GNAI1: variants seen among roughly 807,000 people sequenced by gnomAD.
The protein encoded by GNAI1 is guanine nucleotide-binding protein G(i) subunit alpha-1.
In GNAI1, 11 loss-of-function variants were observed where a neutral mutation model predicts 38.9. The observed-to-expected ratio is 0.28, with a 90% CI of 0.18 to 0.47. The LOEUF (loss-of-function observed/expected upper bound fraction) is 0.47, where lower values mean the gene tolerates loss of function less well. Ranked by LOEUF, GNAI1 falls within the 20% of genes least tolerant of loss-of-function variation. The pLI, the probability that GNAI1 is intolerant of heterozygous loss-of-function variation, is 0.99. For missense variants in GNAI1, 317 were observed against 436.9 expected (o/e 0.73, Z 2.45); for synonymous variants, 166 against 145.1 (o/e 1.14, Z -1.04).
intron 4 of GNAI1, among the ~76,000 whole-genome samples, chr7:80,200,601 GAATA>G (rs1788669502): frequency 6.6e-6 from 1 of 152,060 alleles, no homozygotes; most frequent in Non-Finnish European, 1.5e-5. Flanking sequence ...TTGCCACAAT[GAATA>G]AATAAATGAG....
chr7:80,198,626 G>A (rs1788624109), intron 3 of GNAI1, among the ~76,000 whole-genome samples: 2 of 152,146 alleles, frequency 1.3e-5, no homozygotes, highest in African/African-American at 4.8e-5. Context: ...CAAAACACCT[G>A]CTCCCAACTT....
rs545320089 is a variant in GNAI1, at chr7:80,224,214, T to C, written c.*6721T>C. The stretch of plus-strand genomic sequence containing the variant: ...AATTTATTGAGTGCCTACTGTGTGC[T>C]AGGTACTTTTCTGGGTACCTTACTA... On this transcript the variant is annotated 3_prime_UTR_variant, in exon 8 of 8. Transcript: ENST00000649796. Among the ~76,000 whole-genome samples, 1 of 152,362 alleles carries C rather than the reference T, an allele frequency of 6.6e-6. No homozygotes were observed. The highest frequency in any genetic ancestry group is 2.1e-4 in the South Asian group (1 of 4,830).
intron 1 of GNAI1, among the ~76,000 whole-genome samples, chr7:80,154,428 A>T (rs1223456979): frequency 2.0e-5 from 3 of 152,204 alleles, no homozygotes; most frequent in Non-Finnish European, 4.4e-5. Flanking sequence ...GGATTTTAGA[A>T]ATAAAGCTGT....
intron 1 of GNAI1, among the ~76,000 whole-genome samples, chr7:80,136,257 T>G (rs1333988547): frequency 6.6e-6 from 1 of 152,190 alleles, no homozygotes; most frequent in Non-Finnish European, 1.5e-5. Context: ...GTTTGCATGT[T>G]TTCTTCTCAC....
rs1221327390 is a variant in GNAI1, at chr7:80,224,432, C to T, written c.*6939C>T. Among the ~76,000 whole-genome samples the T allele has an allele frequency of 2.0e-5, 3 of 152,272 alleles. No homozygotes were observed. The East Asian group carries it at 5.8e-4, about 29-fold the overall frequency. On this transcript the variant is annotated 3_prime_UTR_variant, in exon 8 of 8. Coordinates refer to ENST00000649796, the MANE Select transcript of GNAI1 (RefSeq NM_002069.6). ...TTCAAAATCCAGTGTCATTTCTTAG[C>T]CATATCTTCAAAATCCAGTGTCATT...
At chr7:80,196,011 G>C (rs1410972968) in intron 3 of GNAI1, among the ~76,000 whole-genome samples, 7 of 151,902 alleles carry the variant, frequency 4.6e-5, no homozygotes, top group Non-Finnish European at 4.4e-5. Context: ...ATCCTAGGCA[G>C]ACTCTTCTGA....
intron 4 of GNAI1, among the ~76,000 whole-genome samples, chr7:80,200,006 C>T (rs534851904): frequency 4.6e-4 from 70 of 152,018 alleles, no homozygotes; most frequent in African/African-American, 1.6e-3. Context: ...GTTTGCAAAG[C>T]AAGTTGTGAT....
intron 1 of GNAI1, among the ~76,000 whole-genome samples, chr7:80,179,301 G>A (rs975141173): frequency 6.6e-6 from 1 of 152,142 alleles, no homozygotes; most frequent in African/African-American, 2.4e-5. Flanking sequence ...TTAAAACACA[G>A]ATTACTGGAC....
intron 3 of GNAI1, among the ~76,000 whole-genome samples, chr7:80,195,916 T>G (rs544515404): frequency 6.6e-6 from 1 of 152,132 alleles, no homozygotes; most frequent in Admixed American, 6.5e-5. Context: ...TTTTCTGCTC[T>G]GTGCCTAAAC....
chr7:80,136,746 G>A (rs955699145), intron 1 of GNAI1, among the ~76,000 whole-genome samples: 1 of 152,214 alleles, frequency 6.6e-6, no homozygotes, highest in Non-Finnish European at 1.5e-5. Context: ...CTCTCCTGGT[G>A]TGATACGTTG....
intron 1 of GNAI1, among the ~76,000 whole-genome samples, chr7:80,154,028 T>C (rs531405152): frequency 6.6e-6 from 1 of 152,266 alleles, no homozygotes; most frequent in Admixed American, 6.5e-5. Flanking sequence ...GCTCAAGCGA[T>C]CCTCTCACCT....
chr7:80,213,205 A>G (rs1217973192), intron 7 of GNAI1, among the ~76,000 whole-genome samples: 1 of 152,178 alleles, frequency 6.6e-6, no homozygotes, highest in Non-Finnish European at 1.5e-5. Context: ...CCACCATCTA[A>G]TCTGAAAGAC....
intron 1 of GNAI1, among the ~76,000 whole-genome samples, chr7:80,171,094 A>G (rs994197097): frequency 2.6e-5 from 4 of 152,194 alleles, no homozygotes; most frequent in Non-Finnish European, 5.9e-5. Context: ...GTATATTGTT[A>G]AATTAGGACC....
At chr7:80,172,816 A>T (rs551392409) in intron 1 of GNAI1, among the ~76,000 whole-genome samples, 1 of 152,104 alleles carries the variant, frequency 6.6e-6, no homozygotes, top group African/African-American at 2.4e-5. Flanking sequence ...ACCAAAACAA[A>T]TTTTTTTTAA....
intron 1 of GNAI1, among the ~76,000 whole-genome samples, chr7:80,155,927 C>CTG (rs1284815160): frequency 6.6e-6 from 1 of 151,132 alleles, no homozygotes; most frequent in Non-Finnish European, 1.5e-5. Flanking sequence ...TGGCGTATGC[C>CTG]TGTAGTCCCA....
chr7:80,158,143 C>T (rs556023513), intron 1 of GNAI1, among the ~76,000 whole-genome samples: 9 of 152,258 alleles, frequency 5.9e-5, no homozygotes, highest in African/African-American at 1.7e-4. Context: ...TAAAGTAAGC[C>T]TTGCGAACAA....
At chr7:80,176,810 G>A (rs1345205809) in intron 1 of GNAI1, among the ~76,000 whole-genome samples, 1 of 151,058 alleles carries the variant, frequency 6.6e-6, no homozygotes, top group African/African-American at 2.4e-5. Flanking sequence ...TGGTGACAGG[G>A]GCTGTAATCC....
chr7:80,190,170 T>C (rs368805534), intron 3 of GNAI1, among the ~76,000 whole-genome samples: 10 of 152,084 alleles, frequency 6.6e-5, no homozygotes, highest in African/African-American at 1.7e-4. Flanking sequence ...ACATGTAGGC[T>C]CAATTCATGC....
intron 1 of GNAI1, among the ~76,000 whole-genome samples, chr7:80,184,534 T>C (rs372041158): frequency 1.3e-5 from 2 of 152,230 alleles, no homozygotes; most frequent in East Asian, 3.9e-4. Flanking sequence ...CATATACCAG[T>C]TAAACTCCAC....
Sources: gnomAD v4.1 joint callset for allele counts (sites outside exome capture counted in the v4.1 genomes callset) on GRCh38, gnomAD v4.1.1 for gene constraint, MANE v1.5 for transcripts, NCBI Gene and HGNC (gene_info 2026-07-23, HGNC 2026-07-21) for gene names.